The following ROBO2 variants were observed in gnomAD, a reference collection of about 807,000 sequenced individuals.
The protein encoded by ROBO2 is roundabout homolog 2.
In ROBO2, 53 loss-of-function variants were observed where a neutral mutation model predicts 160.8. The ratio of observed to expected loss-of-function variants is 0.33; its 90% CI spans 0.26 to 0.41. The LOEUF (loss-of-function observed/expected upper bound fraction) is 0.41. ROBO2 is among the 10% of genes least tolerant of loss of function. The pLI, the probability that ROBO2 is intolerant of heterozygous loss-of-function variation, is 1.00. For synonymous variants in ROBO2, 664 were observed against 611.7 expected (o/e 1.09, Z -1.26); for missense variants, 1,577 against 1,722.4 (o/e 0.92, Z 1.49).
intron 11 of ROBO2, chr3:77,564,485 T>C: frequency 2.2e-6 from 1 of 455,740 alleles, no homozygotes; most frequent in Non-Finnish European, 4.4e-6. Context: ...TAATATTGCA[T>C]GTGGAAATGA....
At position 76,348,969 on chromosome 3, in the gene ROBO2, T is replaced by A. The variant is rs576608217; in HGVS notation, c.109+411367T>A. Among the ~76,000 whole-genome samples the A allele has an allele frequency of 9.2e-5, 14 of 152,264 alleles. No individual in the cohort carries two copies. In the South Asian group the frequency reaches 2.7e-3, roughly 29 times the overall value. ...AGCTTAAGTCACGGTTGTGTATTTA[T>A]ACCCCAAGGAATTGATTTTCTTCAA... On this transcript the variant is annotated intron_variant, in intron 2 of 26. Coordinates refer to the ROBO2 transcript ENST00000487694.
At chr3:76,910,503 G>A (rs1441536398) in intron 2 of ROBO2, among the ~76,000 whole-genome samples, 3 of 151,772 alleles carry the variant, frequency 2.0e-5, no homozygotes, top group East Asian at 1.9e-4. Context: ...CAAGGTGGGC[G>A]GATCACAAGG....
chr3:76,628,616 CT>C (rs1165113724), intron 2 of ROBO2, among the ~76,000 whole-genome samples: 3 of 151,918 alleles, frequency 2.0e-5, no homozygotes, highest in Admixed American at 6.6e-5. Context: ...GAAAAGGAAA[CT>C]TTTTTTTCCT....
chr3:77,137,758 A>C (rs1173557544), intron 2 of ROBO2, among the ~76,000 whole-genome samples: 7 of 152,186 alleles, frequency 4.6e-5, no homozygotes, highest in African/African-American at 1.7e-4. Context: ...TGCCTGTAAG[A>C]GACAGTGAGG....
intron 2 of ROBO2, among the ~76,000 whole-genome samples, chr3:77,374,948 C>A (rs2072417923): frequency 6.6e-6 from 1 of 152,164 alleles, no homozygotes; most frequent in Non-Finnish European, 1.5e-5. Flanking sequence ...CTGGCTCATA[C>A]CTGTAATCCC....
intron 2 of ROBO2, among the ~76,000 whole-genome samples, chr3:76,338,326 C>T (rs2108126860): frequency 6.6e-6 from 1 of 152,204 alleles, no homozygotes; most frequent in East Asian, 1.9e-4. Context: ...TCTCCAAGTT[C>T]CTTCTTTTAC....
At chr3:76,698,261 A>C (rs1238192480) in intron 2 of ROBO2, among the ~76,000 whole-genome samples, 2 of 152,216 alleles carry the variant, frequency 1.3e-5, no homozygotes, top group African/African-American at 4.8e-5. Context: ...TGAAAATGAA[A>C]ATAAGCATTG....
At chr3:76,450,119 C>T (rs1159852941) in intron 2 of ROBO2, among the ~76,000 whole-genome samples, 1 of 152,096 alleles carries the variant, frequency 6.6e-6, no homozygotes, top group Non-Finnish European at 1.5e-5. Context: ...GGTAGTTCTC[C>T]TTACAAGTAT....
rs554255636 is a variant in ROBO2, at chr3:75,927,525, A to G, written c.-13-9956A>G. Among the ~76,000 whole-genome samples the G allele has an allele frequency of 9.1e-4, 139 of 152,344 alleles. 1 individual carries two copies. Among genetic ancestry groups the G allele is most frequent in the South Asian group, 3.7e-3 (18 of 4,834 alleles). The stretch of plus-strand genomic sequence containing the variant: ...TTTTGGATTTCTTAACTTTAAGACT[A>G]TTGCTCACATAGTCACGTAAAGTAT... On this transcript the variant is annotated intron_variant, in intron 1 of 26. Coordinates refer to the ROBO2 transcript ENST00000487694.
chr3:76,729,640 T>TCTCTC (rs1553884329), intron 2 of ROBO2, among the ~76,000 whole-genome samples: 1 of 55,294 alleles, frequency 1.8e-5, no homozygotes, highest in African/African-American at 9.7e-5. Context: ...TCTCTCTCTC[T>TCTCTC]TTTTTTTTTT....
At chr3:76,954,341 A>G (rs1186338799) in intron 2 of ROBO2, among the ~76,000 whole-genome samples, 1 of 152,196 alleles carries the variant, frequency 6.6e-6, no homozygotes, top group Non-Finnish European at 1.5e-5. Flanking sequence ...CTAATAAACC[A>G]TAACTCACAT....
chr3:77,028,877 T>C (rs1241424516), intron 2 of ROBO2, among the ~76,000 whole-genome samples: 1 of 152,192 alleles, frequency 6.6e-6, no homozygotes, highest in Non-Finnish European at 1.5e-5. Context: ...TGTGTGAATA[T>C]AAGAAAACCA....
At chr3:76,255,301 A>C (rs1469273869) in intron 2 of ROBO2, among the ~76,000 whole-genome samples, 1 of 152,170 alleles carries the variant, frequency 6.6e-6, no homozygotes, top group African/African-American at 2.4e-5. Flanking sequence ...TTTTAGCCCT[A>C]TCTGGAAGAT....
intron 24 of ROBO2, among the ~76,000 whole-genome samples, chr3:77,640,144 C>T (rs892764273): frequency 7.6e-4 from 84 of 110,894 alleles, no homozygotes; most frequent in African/African-American, 2.8e-3. Context: ...CGGAGTCTCG[C>T]TCTATCCGCC....
intron 15 of ROBO2, among the ~76,000 whole-genome samples, 163 bp from the exon 17 acceptor site, chr3:77,579,784 T>C (rs2153675068): frequency 6.6e-6 from 1 of 152,260 alleles, no homozygotes; most frequent in South Asian, 2.1e-4. Flanking sequence ...ACATATACAC[T>C]CAAACTGCAG....
chr3:76,916,366 G>A (rs2076304642), intron 2 of ROBO2, among the ~76,000 whole-genome samples: 1 of 151,962 alleles, frequency 6.6e-6, no homozygotes, highest in South Asian at 2.1e-4. Flanking sequence ...TTTGGAGACA[G>A]GGTCTTGCTC....
At chr3:77,415,942 G>C (rs1318156042) in intron 2 of ROBO2, among the ~76,000 whole-genome samples, 3 of 152,194 alleles carry the variant, frequency 2.0e-5, no homozygotes, top group Non-Finnish European at 2.9e-5. Flanking sequence ...GGCATGTTGT[G>C]CCCAGAGGCT....
chr3:77,061,687 AC>A (rs373727506), intron 1 of ROBO2, among the ~76,000 whole-genome samples: 10 of 152,260 alleles, frequency 6.6e-5, no homozygotes, highest in African/African-American at 2.4e-4. Context: ...GGGACTTATC[AC>A]CATGGATCGT....
chr3:76,188,698 T>G (rs1701872496), intron 2 of ROBO2, among the ~76,000 whole-genome samples: 3 of 152,098 alleles, frequency 2.0e-5, no homozygotes, highest in Admixed American at 6.6e-5. Context: ...ATGATTTATT[T>G]TCCTTCAAAC....
Sources: allele counts gnomAD v4.1 joint callset (sites outside exome capture counted in the v4.1 genomes callset), GRCh38; gene constraint gnomAD v4.1.1; transcripts MANE v1.5; gene names NCBI Gene and HGNC (gene_info 2026-07-23, HGNC 2026-07-21).